UNC13A: variants seen among roughly 807,000 people sequenced by gnomAD.
UNC13A encodes unc-13 homolog A.
UNC13A carries 61 observed loss-of-function variants against 219.7 expected under a neutral mutation model. The ratio of observed to expected loss-of-function variants is 0.28; its 90% CI spans 0.23 to 0.34. UNC13A has a LOEUF of 0.34. Among genes scored for constraint, UNC13A ranks in the 10% least tolerant of loss-of-function variants. The pLI is 1.00. For missense variants in UNC13A, 1,476 were observed against 2,270.3 expected (o/e 0.65, Z 7.11); for synonymous variants, 920 against 884.6 (o/e 1.04, Z -0.71).
chr19:17,668,823 T>C (rs2079716667), intron 5 of UNC13A, among the ~76,000 whole-genome samples: 1 of 151,830 alleles, frequency 6.6e-6, no homozygotes, highest in South Asian at 2.1e-4. Context: ...AGAGACAGGG[T>C]CTCGCTCTGT....
In UNC13A at chr19:17,629,223, G is replaced by A. The variant is rs1465274040; in HGVS notation, c.3753+17C>T. 1 of 1,597,794 alleles carries A rather than the reference G, an allele frequency of 6.3e-7. No homozygotes were observed. The highest frequency in any genetic ancestry group is 1.1e-5 in the South Asian group (1 of 88,132). The stretch of plus-strand genomic sequence containing the variant: ...GGGGCTGAGGAGGGAGATAGGTCAG[G>A]GGCCCCCTCAGGTCACCACTTTCTC... On this transcript the variant is annotated intron_variant, in intron 31 of 43. Transcript: ENST00000519716.
Position 17,655,284 on chromosome 19 carries a change from T to C in UNC13A, c.1382A>G (p.Gln461Arg). The part of the protein sequence containing the change: ...WLRAFNKVRM[Q>R]LQEARGEGEM... The stretch of plus-strand genomic sequence containing the variant: ...GGGCGTGTCACTCACCTCCTGCAGC[T>C]GCATCCGCACCTTGTTGAAGGCACG... Residue 461 changes from glutamine (Q) to arginine (R), a missense_variant, in exon 11 of 44, where the codon CAG (glutamine) becomes CGG (arginine). Gln to Arg is a conservative substitution (Grantham distance 43). Transcript: ENST00000519716. The C allele has an allele frequency of 6.3e-7, 1 of 1,575,872 alleles. No individual in the cohort carries two copies. The highest frequency in any genetic ancestry group is 1.3e-5 in the African/African-American group (1 of 74,292).
intron 1 of UNC13A, among the ~76,000 whole-genome samples, chr19:17,679,438 A>AG (rs1346924883): frequency 1.3e-5 from 2 of 150,272 alleles, no homozygotes; most frequent in Non-Finnish European, 3.0e-5. Context: ...TAAAAGAGAG[A>AG]GGGGGAAAGA....
At position 17,675,412 on chromosome 19, in the gene UNC13A, A is replaced by G. The variant is rs183751088; in HGVS notation, c.52+600T>C. ...TTTGGGAGGCCGAGGCGGGCGGATCATTTAAGGTCAGAAGTTTGAGACCAG... is the reference window on the plus strand; with the variant it reads ...TTTGGGAGGCCGAGGCGGGCGGATCGTTTAAGGTCAGAAGTTTGAGACCAG... On this transcript the variant is annotated intron_variant, in intron 2 of 43. Transcript: ENST00000519716. 2.9e-3 allele frequency among the ~76,000 whole-genome samples: 437 copies of G among 151,778 alleles called. 4 individuals carry two copies. The highest frequency in any genetic ancestry group is 0.01 in the African/African-American group (420 of 41,476).
intron 4 of UNC13A, among the ~76,000 whole-genome samples, chr19:17,672,094 C>T (rs867604841): frequency 2.6e-4 from 39 of 152,198 alleles, no homozygotes; most frequent in African/African-American, 8.9e-4. Flanking sequence ...TGAACCACCC[C>T]CCTCCCCCAC....
At chr19:17,608,597 A>G (rs1483611484) in intron 43 of UNC13A, among the ~76,000 whole-genome samples, 7 of 149,572 alleles carry the variant, frequency 4.7e-5, no homozygotes, top group Non-Finnish European at 8.9e-5. Context: ...GGCTCACTGC[A>G]AGCTCTGCCT....
chr19:17,677,700 T>C (rs1051139622), intron 1 of UNC13A, among the ~76,000 whole-genome samples: 4 of 152,230 alleles, frequency 2.6e-5, no homozygotes, highest in East Asian at 3.9e-4. Flanking sequence ...TCTCCCCTTT[T>C]CCTTTTCAAA....
rs781411594 is a variant in UNC13A at position 17,674,994 on chromosome 19, C to T, written c.53-238G>A. Among the ~76,000 whole-genome samples, 7 of 152,166 alleles carry T rather than the reference C, an allele frequency of 4.6e-5. No individual in the cohort carries two copies. The highest frequency in any genetic ancestry group is 2.0e-4 in the Admixed American group (3 of 15,270). On this transcript the variant is annotated intron_variant, in intron 2 of 43. Coordinates refer to ENST00000519716, the MANE Select transcript of UNC13A (RefSeq NM_001080421.3). The surrounding 1 kb of genome is among the most constrained non-coding windows in gnomAD (Gnocchi z 5.0). ...TGCCATTGGTTTTCAGCTAAAAAGA[C>T]TGAGGTCCCAGAAAAGGGGAACAAA...
chr19:17,641,440 G>A lies in UNC13A; in HGVS notation c.2589C>T (p.Asp863=), dbSNP rs765086018. 14 of 1,614,056 alleles carry A rather than the reference G, an allele frequency of 8.7e-6. No homozygotes were observed. The highest frequency in any genetic ancestry group is 5.0e-5 in the Admixed American group (3 of 60,004). Residue 863 remains aspartate (D), a synonymous_variant, in exon 21 of 44, where the codon GAC becomes GAT. Transcript: ENST00000519716. ...CGACGCCGTAGCGCATGGCAAACTC[G>A]TCCACAATCTCCTGGGCTGTCTCAT... ...YYDETAQEIV[D]EFAMRYGVES...
At chr19:17,659,641 C>T (rs970611286) in intron 8 of UNC13A, among the ~76,000 whole-genome samples, 4 of 151,372 alleles carry the variant, frequency 2.6e-5, no homozygotes, top group South Asian at 2.1e-4. Flanking sequence ...TGGTGGTGGG[C>T]GCCTGTAGTC....
chr19:17,669,386 T>C (rs1442517077), intron 5 of UNC13A, among the ~76,000 whole-genome samples, 167 bp downstream of exon 5: 1 of 152,122 alleles, frequency 6.6e-6, no homozygotes, highest in Non-Finnish European at 1.5e-5. Flanking sequence ...TTCACATCCC[T>C]GTTCTCTGCA....
chr19:17,674,598 G>A lies in UNC13A; in HGVS notation c.152+59C>T, dbSNP rs543054779. The A allele has an allele frequency of 1.3e-3, 1,873 of 1,498,198 alleles. 3 individuals are homozygous for A. The highest frequency in any genetic ancestry group is 1.5e-3 in the Non-Finnish European group (1,598 of 1,079,714). 92.8% of individuals were successfully genotyped at this position (1,498,198 alleles called of 1,614,324 possible). ...CCAGTGTCCAGCTCTGCCCTGAGGG[G>A]CCAGCGAGGTGCTGGGCTATGCCAG... On this transcript the variant is annotated intron_variant, in intron 3 of 43. Transcript: ENST00000519716. This position sits in a 1 kb window ranked among gnomAD's most constrained non-coding sequence, Gnocchi z 5.0.
At chr19:17,626,917 G>T in intron 33 of UNC13A, 132 bp from the exon 34 acceptor site, 1 of 1,338,398 alleles carries the variant, frequency 7.5e-7, no homozygotes, top group East Asian at 2.7e-5. Context: ...GAACAGGCCA[G>T]ATGCGGTGGC....
At chr19:17,634,794 C>T (rs1376628510) in intron 26 of UNC13A, among the ~76,000 whole-genome samples, 1 of 152,200 alleles carries the variant, frequency 6.6e-6, no homozygotes, top group Non-Finnish European at 1.5e-5. Context: ...CTCCTGGGTT[C>T]AAGCAATTTT....
rs747304890 is a variant in UNC13A at position 17,606,048 on chromosome 19, C to T, written c.*6G>A. 3 of 1,517,492 alleles carry T rather than the reference C, an allele frequency of 2.0e-6. No individual in the cohort carries two copies. The highest frequency in any genetic ancestry group is 2.6e-6 in the Non-Finnish European group (3 of 1,139,792). The allele number at this position is 1,517,492 out of a possible 1,614,324, so 94.0% of individuals were successfully genotyped here. Reference sequence around the variant, plus strand: ...AGGCGCAGTGCCGCTCGGCCGACCGCCCGCGCTAAGGCGCAGGCGCGGCAC... The same window carrying T: ...AGGCGCAGTGCCGCTCGGCCGACCGTCCGCGCTAAGGCGCAGGCGCGGCAC... On this transcript the variant is annotated 3_prime_UTR_variant, in exon 44 of 44. Coordinates refer to ENST00000519716, the MANE Select transcript of UNC13A (RefSeq NM_001080421.3).
chr19:17,647,927 C>T (rs1278591645), intron 16 of UNC13A, among the ~76,000 whole-genome samples: 1 of 149,274 alleles, frequency 6.7e-6, no homozygotes, highest in Non-Finnish European at 1.5e-5. Flanking sequence ...ATCTCCACCC[C>T]TGCGAGTCCC....
chr19:17,644,656 CAAA>C (rs1234889517), intron 19 of UNC13A, among the ~76,000 whole-genome samples: 1 of 149,518 alleles, frequency 6.7e-6, no homozygotes, highest in Non-Finnish European at 1.5e-5. Context: ...TCAGCCGTCC[CAAA>C]CTGTTGGGAT....
At chr19:17,664,703 C>T (rs1765782252) in intron 7 of UNC13A, among the ~76,000 whole-genome samples, 1 of 152,152 alleles carries the variant, frequency 6.6e-6, no homozygotes, top group Non-Finnish European at 1.5e-5. Flanking sequence ...TCCTTCCAGG[C>T]AGTGATGACC....
chr19:17,673,687 T>C (rs1391157993), intron 3 of UNC13A, among the ~76,000 whole-genome samples: 4 of 150,698 alleles, frequency 2.7e-5, no homozygotes, highest in Non-Finnish European at 5.9e-5. Context: ...AGTGAGGCTC[T>C]GTCTCAAAAC....
Sources: allele counts gnomAD v4.1 joint callset (sites outside exome capture counted in the v4.1 genomes callset), GRCh38; gene constraint gnomAD v4.1.1; non-coding constraint Gnocchi (gnomAD v3.1); transcripts MANE v1.5; gene names NCBI Gene and HGNC (gene_info 2026-07-23, HGNC 2026-07-21).